Variants in CLVS1 observed in about 807,000 individuals in gnomAD.
CLVS1 encodes the protein clavesin-1.
CLVS1 carries 10 observed loss-of-function variants against 33.1 expected under a neutral mutation model. The ratio of observed to expected loss-of-function variants is 0.30; its 90% CI spans 0.19 to 0.51. The LOEUF (loss-of-function observed/expected upper bound fraction) is 0.51. CLVS1 is among the 20% of genes least tolerant of loss of function. The pLI is 0.97. For synonymous variants in CLVS1, 163 were observed against 166.1 expected (o/e 0.98, Z 0.14); for missense variants, 343 against 433.4 (o/e 0.79, Z 1.85).
chr8:61,477,547 A>G (rs1429882235), intron 5 of CLVS1, among the ~76,000 whole-genome samples: 1 of 152,172 alleles, frequency 6.6e-6, no homozygotes, highest in African/African-American at 2.4e-5. Context: ...GTGTCCAGAA[A>G]TTTATCCATT....
rs541686334 is a variant in CLVS1, at chr8:61,129,588, A to C, written c.-242-2182A>C. On this transcript the variant is annotated intron_variant, in intron 1 of 2. Coordinates refer to the CLVS1 transcript ENST00000522621. ...TTATTTCTAGAGGCTGGGAAGTCCA[A>C]GATCAAGGAATTGACAGATTCTGTG... 2.0e-5 allele frequency among the ~76,000 whole-genome samples: 3 copies of C among 152,368 alleles called. No homozygotes were observed. The East Asian group carries it at 5.8e-4, about 29-fold the overall frequency.
At chr8:61,398,916 G>A (rs561113352) in intron 3 of CLVS1, among the ~76,000 whole-genome samples, 2 of 152,284 alleles carry the variant, frequency 1.3e-5, no homozygotes, top group East Asian at 3.9e-4. Flanking sequence ...ATTCCATGGT[G>A]CATATGTACT....
At chr8:61,458,798 G>C (rs1207785679) in intron 5 of CLVS1, 19 of 335,800 alleles carry the variant, frequency 5.7e-5, no homozygotes, top group Non-Finnish European at 1.0e-4. Context: ...TTATAGCCCT[G>C]GTCTTCAGGG....
At position 61,103,194 on chromosome 8, in the gene CLVS1, G is replaced by A. The variant is rs556636775; in HGVS notation, c.-242-28576G>A. On this transcript the variant is annotated intron_variant, in intron 1 of 2. Coordinates refer to the CLVS1 transcript ENST00000522621. ...ATGACTTTGAGCCAGGACTGGGAGG[G>A]TGAAGCACTGTTTGAGTTGCTGCTC... Among the ~76,000 whole-genome samples, 5 of 152,324 alleles carry A rather than the reference G, an allele frequency of 3.3e-5. No individual in the cohort carries two copies. The East Asian group carries it at 9.6e-4, about 29-fold the overall frequency.
At chr8:61,426,915 G>A (rs1230222934) in intron 3 of CLVS1, among the ~76,000 whole-genome samples, 2 of 152,136 alleles carry the variant, frequency 1.3e-5, no homozygotes, top group African/African-American at 4.8e-5. Context: ...TAAATTAAAA[G>A]GCAGTTGTTA....
At chr8:60,980,920 G>A in the CLVS1 span, among the ~76,000 whole-genome samples, 2 of 152,168 alleles carry the variant, frequency 1.3e-5, no homozygotes, top group African/African-American at 4.8e-5. Context: ...AGAGGCAGAG[G>A]GAGAGGACAC....
chr8:61,453,423 ACTTC>A (rs1817033770), intron 3 of CLVS1, among the ~76,000 whole-genome samples: 1 of 152,154 alleles, frequency 6.6e-6, no homozygotes, highest in South Asian at 2.1e-4. Flanking sequence ...AAATGCTCTT[ACTTC>A]CTATTATTTA....
intron 2 of CLVS1, among the ~76,000 whole-genome samples, chr8:61,376,303 A>G (rs1304660901): frequency 1.3e-5 from 2 of 152,228 alleles, no homozygotes; most frequent in African/African-American, 2.4e-5. Context: ...GATGCATTTC[A>G]ACAAAATGCA....
At chr8:60,989,142 C>T in the CLVS1 span, among the ~76,000 whole-genome samples, 1 of 152,074 alleles carries the variant, frequency 6.6e-6, no homozygotes, top group South Asian at 2.1e-4. Context: ...GTTGGGATTA[C>T]AGGCGTGAGC....
chr8:61,136,535 G>T (rs369949617), intron 2 of CLVS1, among the ~76,000 whole-genome samples: 2 of 152,194 alleles, frequency 1.3e-5, no homozygotes, highest in African/African-American at 4.8e-5. Context: ...CCTTTGCAGG[G>T]ACATGGATGG....
chr8:61,189,299 A>G (rs1402152652), intron 2 of CLVS1, among the ~76,000 whole-genome samples: 1 of 152,140 alleles, frequency 6.6e-6, no homozygotes, highest in Non-Finnish European at 1.5e-5. Flanking sequence ...GGAGAAATAA[A>G]ATCCTTTACA....
rs555022524 is a variant in CLVS1 at position 61,063,260 on chromosome 8, CGA to C, written c.-243+6063_-243+6064del. On this transcript the variant is annotated intron_variant, in intron 1 of 2. Coordinates refer to the CLVS1 transcript ENST00000522621. Reference sequence around the variant, plus strand: ...ATCTACACAGGAGAAAGTGAGGAAGCGAGAGAGAGAGAGAGAGAGAGAGAGAG... The same window carrying C: ...ATCTACACAGGAGAAAGTGAGGAAGCGAGAGAGAGAGAGAGAGAGAGAGAG... 7.5e-3 allele frequency among the ~76,000 whole-genome samples: 610 copies of C among 81,682 alleles called. 1 individual carries two copies. Among genetic ancestry groups the C allele is most frequent in the Admixed American group, 7.9e-3 (55 of 6,932 alleles). 53.6% of individuals were successfully genotyped at this position (81,682 alleles called of 152,430 possible).
Position 61,107,972 on chromosome 8 carries a change from A to G in CLVS1, c.-242-23798A>G, listed in dbSNP as rs147789267. The stretch of plus-strand genomic sequence containing the variant: ...TCTAGACACTTCGGATTCATCAGAG[A>G]AAACCATAAAAATAGCCAGGCACAG... On this transcript the variant is annotated intron_variant, in intron 1 of 2. Transcript: ENST00000522621. Among the ~76,000 whole-genome samples the G allele has an allele frequency of 4.1e-3, 627 of 152,258 alleles. 5 individuals carry two copies. Among genetic ancestry groups the G allele is most frequent in the African/African-American group, 0.014 (573 of 41,552 alleles).
intron 5 of CLVS1, among the ~76,000 whole-genome samples, chr8:61,499,149 T>C (rs1344169703): frequency 6.6e-6 from 1 of 152,210 alleles, no homozygotes. Context: ...AAAGGGAATA[T>C]ATTATGTAGT....
chr8:61,415,255 G>A (rs1322237995), intron 3 of CLVS1, among the ~76,000 whole-genome samples: 1 of 152,230 alleles, frequency 6.6e-6, no homozygotes, highest in Non-Finnish European at 1.5e-5. Flanking sequence ...GAGGGTAGGA[G>A]CAAAGGGGGC....
the CLVS1 span, among the ~76,000 whole-genome samples, chr8:60,999,238 A>G: frequency 2.0e-5 from 3 of 152,192 alleles, no homozygotes; most frequent in African/African-American, 2.4e-5. Context: ...ACTGGCTGGC[A>G]GTTACTGTGC....
chr8:61,237,723 G>A lies in CLVS1; in HGVS notation c.-151-61954G>A, dbSNP rs59953797. Among the ~76,000 whole-genome samples, 644 of 152,264 alleles carry A rather than the reference G, an allele frequency of 4.2e-3. 6 individuals carry two copies. Among genetic ancestry groups the A allele is most frequent in the African/African-American group, 0.015 (603 of 41,550 alleles). On this transcript the variant is annotated intron_variant, in intron 2 of 2. Transcript: ENST00000522621. ...TACAGAGGCTGGAGAGGTGTGAGGA[G>A]GGCCCACAGATAAGCAAAGGCCTGT...
At chr8:61,140,863 T>C (rs1332606966) in intron 2 of CLVS1, among the ~76,000 whole-genome samples, 2 of 152,196 alleles carry the variant, frequency 1.3e-5, no homozygotes, top group Non-Finnish European at 2.9e-5. Flanking sequence ...ACCGTAATTT[T>C]TTTTAAATTA....
At chr8:61,466,970 A>T (rs1817568053) in intron 5 of CLVS1, among the ~76,000 whole-genome samples, 1 of 152,222 alleles carries the variant, frequency 6.6e-6, no homozygotes. Flanking sequence ...TTTAAAAGGC[A>T]CGTGTGCACA....
Sources: allele counts gnomAD v4.1 joint callset (sites outside exome capture counted in the v4.1 genomes callset), GRCh38; gene constraint gnomAD v4.1.1; transcripts MANE v1.5; gene names NCBI Gene and HGNC (gene_info 2026-07-23, HGNC 2026-07-21).